The following KCNIP4 variants were observed in gnomAD, a reference collection of about 807,000 sequenced individuals.
The protein encoded by KCNIP4 is potassium voltage-gated channel interacting protein 4.
KCNIP4 carries 12 observed loss-of-function variants against 34.0 expected under a neutral mutation model. That is an observed-to-expected ratio of 0.35 (90% CI 0.23 to 0.57). The LOEUF (loss-of-function observed/expected upper bound fraction) is 0.57. Among genes scored for constraint, KCNIP4 ranks in the 20% least tolerant of loss-of-function variants. The probability of loss-of-function intolerance (pLI) is 0.83; values close to 1 mark genes in which losing one functional copy is unlikely to be tolerated. For missense variants in KCNIP4, 238 were observed against 311.7 expected (o/e 0.76, Z 1.78); for synonymous variants, 124 against 102.2 (o/e 1.21, Z -1.29).
chr4:21,279,672 C>T (rs1375699365), intron 1 of KCNIP4, among the ~76,000 whole-genome samples: 3 of 151,896 alleles, frequency 2.0e-5, no homozygotes, highest in East Asian at 1.9e-4. Context: ...ACTGGTGATA[C>T]ATCAGTGGAC....
At chr4:20,732,172 T>C in intron 7 of KCNIP4, 104 bp from the exon 8 acceptor site, 1 of 767,324 alleles carries the variant, frequency 1.3e-6, no homozygotes, top group Non-Finnish European at 2.2e-6. Flanking sequence ...TAGCTGCTTA[T>C]TTATTTCACG....
At chr4:20,912,382 A>G (rs904166426) in intron 1 of KCNIP4, among the ~76,000 whole-genome samples, 3 of 152,166 alleles carry the variant, frequency 2.0e-5, no homozygotes, top group Non-Finnish European at 4.4e-5. Flanking sequence ...ATTCATTTCT[A>G]TGTGCTTGCA....
intron 1 of KCNIP4, among the ~76,000 whole-genome samples, chr4:21,103,309 A>G (rs1203718477): frequency 2.7e-5 from 4 of 146,644 alleles, no homozygotes; most frequent in Non-Finnish European, 4.5e-5. Flanking sequence ...TATAACATAT[A>G]TAATATATAA....
At chr4:21,184,997 G>A (rs931045684) in intron 1 of KCNIP4, among the ~76,000 whole-genome samples, 2 of 152,142 alleles carry the variant, frequency 1.3e-5, no homozygotes, top group African/African-American at 4.8e-5. Flanking sequence ...TACTAGGTAA[G>A]CACATCCGAA....
chr4:20,990,109 G>T (rs1349051434), intron 1 of KCNIP4, among the ~76,000 whole-genome samples: 1 of 152,274 alleles, frequency 6.6e-6, no homozygotes, highest in East Asian at 1.9e-4. Flanking sequence ...ACAAAGACAA[G>T]GTCAGTGTAT....
intron 5 of KCNIP4, among the ~76,000 whole-genome samples, chr4:20,736,445 C>T (rs1749650328): frequency 6.6e-6 from 1 of 151,900 alleles, no homozygotes; most frequent in Non-Finnish European, 1.5e-5. Flanking sequence ...GTATGAAAGC[C>T]ATTGATTTCT....
At chr4:20,947,423 C>T (rs970791180) in intron 1 of KCNIP4, among the ~76,000 whole-genome samples, 2 of 152,244 alleles carry the variant, frequency 1.3e-5, no homozygotes, top group East Asian at 3.9e-4. Flanking sequence ...CCTGCCTCGG[C>T]CTCCCAAAGT....
At chr4:21,573,416 A>C (rs1740502210) in intron 1 of KCNIP4, among the ~76,000 whole-genome samples, 1 of 151,758 alleles carries the variant, frequency 6.6e-6, no homozygotes, top group Non-Finnish European at 1.5e-5. Context: ...ATATTTCTTT[A>C]TTTATCTTGT....
chr4:21,302,523 G>T (rs1479455353), intron 1 of KCNIP4, among the ~76,000 whole-genome samples: 1 of 152,176 alleles, frequency 6.6e-6, no homozygotes, highest in Non-Finnish European at 1.5e-5. Context: ...CCAAGTTACT[G>T]GTTTCATGAG....
intron 1 of KCNIP4, among the ~76,000 whole-genome samples, chr4:20,961,855 A>G (rs1733883084): frequency 1.3e-5 from 2 of 152,224 alleles, no homozygotes; most frequent in Admixed American, 1.3e-4. Context: ...ATCTGCACAT[A>G]CTTTGATTAG....
intron 1 of KCNIP4, among the ~76,000 whole-genome samples, chr4:20,917,102 A>G (rs561848735): frequency 5.8e-4 from 84 of 143,630 alleles, no homozygotes; most frequent in African/African-American, 2.0e-3. Flanking sequence ...CGGTGGCACA[A>G]TCTCGGCTCA....
In KCNIP4 at chr4:21,310,279, G is replaced by A. The variant is rs1029303380; in HGVS notation, c.62-427570C>T. 1.4e-4 allele frequency among the ~76,000 whole-genome samples: 21 copies of A among 151,952 alleles called. 1 individual carries two copies. The highest frequency in any genetic ancestry group is 3.9e-4 in the East Asian group (2 of 5,164). ...TTGAACTCCTGACCTCATGTGATCCGTCCGCCTCTGCCTCCCAAAGTGCTG... is the reference window on the plus strand; with the variant it reads ...TTGAACTCCTGACCTCATGTGATCCATCCGCCTCTGCCTCCCAAAGTGCTG... On this transcript the variant is annotated intron_variant, in intron 1 of 8. Transcript: ENST00000382152.
chr4:20,740,382 C>T (rs1054540959), intron 5 of KCNIP4, among the ~76,000 whole-genome samples: 1 of 152,156 alleles, frequency 6.6e-6, no homozygotes, highest in Non-Finnish European at 1.5e-5. Context: ...GCGGAACTCT[C>T]GGCAGAAACT....
At chr4:21,477,361 T>C (rs1403636989) in intron 1 of KCNIP4, among the ~76,000 whole-genome samples, 1 of 152,170 alleles carries the variant, frequency 6.6e-6, no homozygotes, top group African/African-American at 2.4e-5. Flanking sequence ...GTCTCTCCTC[T>C]AGGTCTTGAT....
chr4:20,908,772 C>T (rs781321060), intron 1 of KCNIP4, among the ~76,000 whole-genome samples: 1 of 152,190 alleles, frequency 6.6e-6, no homozygotes, highest in African/African-American at 2.4e-5. Context: ...GGGCACACTA[C>T]TTATGCTGCT....
chr4:21,012,096 T>G (rs1739109516), intron 1 of KCNIP4, among the ~76,000 whole-genome samples: 1 of 152,218 alleles, frequency 6.6e-6, no homozygotes, highest in Non-Finnish European at 1.5e-5. Context: ...AATTATATTG[T>G]TCCCATACAT....
intron 1 of KCNIP4, among the ~76,000 whole-genome samples, chr4:21,167,377 T>G (rs1466612930): frequency 2.0e-5 from 3 of 152,214 alleles, no homozygotes; most frequent in Non-Finnish European, 4.4e-5. Context: ...AATGTAAAAC[T>G]ATAAGACAAA....
chr4:21,312,872 G>A (rs547516246), intron 1 of KCNIP4, among the ~76,000 whole-genome samples: 76 of 152,294 alleles, frequency 5.0e-4, no homozygotes, highest in Admixed American at 1.2e-3. Context: ...AGCTCCAAAT[G>A]TAATCACTTA....
At chr4:20,757,065 G>A (rs1263366411) in intron 4 of KCNIP4, among the ~76,000 whole-genome samples, 2 of 152,070 alleles carry the variant, frequency 1.3e-5, no homozygotes, top group African/African-American at 2.4e-5. Context: ...CACCTCAGAT[G>A]TAATTTGTCC....
Sources: allele counts gnomAD v4.1 joint callset (sites outside exome capture counted in the v4.1 genomes callset), GRCh38; gene constraint gnomAD v4.1.1; transcripts MANE v1.5; gene names NCBI Gene and HGNC (gene_info 2026-07-23, HGNC 2026-07-21).